Variants in CHLSN observed in about 807,000 individuals in gnomAD.
The protein encoded by CHLSN is protein cholesin.
chr7:995,151 C>T, the CHLSN span, among the ~76,000 whole-genome samples: 1 of 152,250 alleles, frequency 6.6e-6, no homozygotes, highest in African/African-American at 2.4e-5. Flanking sequence ...ACATGTGGCC[C>T]GACGTGGCTG....
the CHLSN span, among the ~76,000 whole-genome samples, chr7:1,033,317 G>A: frequency 6.6e-6 from 1 of 152,160 alleles, no homozygotes. Context: ...CAGCACTTTC[G>A]GAGGCTGAGG....
At chr7:1,092,682 C>T in the CHLSN span, 2 of 1,613,426 alleles carry the variant, frequency 1.2e-6, no homozygotes, top group Non-Finnish European at 1.7e-6. Context: ...CCAACAGCTG[C>T]CTAAACCCCC....
chr7:1,063,627 G>A, the CHLSN span, among the ~76,000 whole-genome samples: 3 of 152,220 alleles, frequency 2.0e-5, no homozygotes, highest in Non-Finnish European at 2.9e-5. Flanking sequence ...AGCCGCGCAC[G>A]CTCACCAAGT....
chr7:1,063,861 C>T, the CHLSN span, among the ~76,000 whole-genome samples: 1 of 152,172 alleles, frequency 6.6e-6, no homozygotes, highest in Admixed American at 6.5e-5. Context: ...TACCCCTGTA[C>T]CTGTGCTGTT....
chr7:1,019,087 C>T, the CHLSN span, among the ~76,000 whole-genome samples: 27 of 151,420 alleles, frequency 1.8e-4, no homozygotes, highest in South Asian at 2.9e-3. Context: ...CCCAGCTACC[C>T]GAGAGGCTGC....
At chr7:987,896 G>A in the CHLSN span, among the ~76,000 whole-genome samples, 1 of 147,484 alleles carries the variant, frequency 6.8e-6, no homozygotes, top group Non-Finnish European at 1.5e-5. Flanking sequence ...GTCCTGAGGG[G>A]TCCCCTCTGT....
the CHLSN span, among the ~76,000 whole-genome samples, chr7:1,027,327 G>T: frequency 2.0e-5 from 3 of 152,244 alleles, no homozygotes; most frequent in Non-Finnish European, 2.9e-5. Context: ...CTGCAGCCGT[G>T]AGGCCCAGCA....
chr7:1,031,360 ACCAGAGACC>A, the CHLSN span, among the ~76,000 whole-genome samples: 5 of 146,944 alleles, frequency 3.4e-5, no homozygotes, highest in African/African-American at 1.3e-4. Flanking sequence ...CTGGGCAGAG[ACCAGAGACC>A]TGCAGGGAGG....
At chr7:1,092,978 G>A in the CHLSN span, 8 of 940,204 alleles carry the variant, frequency 8.5e-6, no homozygotes, top group African/African-American at 3.2e-5. Context: ...CTGGCTCCTC[G>A]GGGCCTCGCG....
chr7:1,040,771 G>A, the CHLSN span, among the ~76,000 whole-genome samples: 9 of 151,696 alleles, frequency 5.9e-5, no homozygotes, highest in African/African-American at 2.2e-4. Flanking sequence ...CTCATTAAGA[G>A]GATGTAAGAG....
chr7:993,446 C>T, the CHLSN span, among the ~76,000 whole-genome samples: 2 of 152,094 alleles, frequency 1.3e-5, no homozygotes, highest in Non-Finnish European at 2.9e-5. Context: ...GAGCGGACAG[C>T]GCCGGCCCGG....
the CHLSN span, among the ~76,000 whole-genome samples, chr7:1,042,362 C>T: frequency 3.9e-5 from 6 of 152,214 alleles, no homozygotes; most frequent in South Asian, 4.1e-4. Context: ...AGGGTGCAAC[C>T]GCGAAGCTGA....
At chr7:1,133,897 C>A in the CHLSN span, among the ~76,000 whole-genome samples, 1 of 152,114 alleles carries the variant, frequency 6.6e-6, no homozygotes, top group African/African-American at 2.4e-5. Context: ...GCCTCGACCA[C>A]CCAGGCTCAA....
the CHLSN span, among the ~76,000 whole-genome samples, chr7:1,008,446 G>T: frequency 1.6e-4 from 25 of 152,180 alleles, no homozygotes; most frequent in African/African-American, 6.0e-4. Flanking sequence ...GAGCTCTTGG[G>T]GTAGCCCTGG....
At chr7:1,065,226 G>A in the CHLSN span, among the ~76,000 whole-genome samples, 52 of 152,288 alleles carry the variant, frequency 3.4e-4, 1 homozygote, top group East Asian at 9.3e-3. Context: ...AGCTGAGGTG[G>A]TGGGAGGAAG....
At chr7:1,037,576 G>A in the CHLSN span, among the ~76,000 whole-genome samples, 2 of 146,654 alleles carry the variant, frequency 1.4e-5, no homozygotes, top group Non-Finnish European at 3.1e-5. Flanking sequence ...GAGTGCAGTG[G>A]CGTGAATCTC....
the CHLSN span, among the ~76,000 whole-genome samples, chr7:1,030,642 A>T: frequency 0.11 from 16,429 of 152,262 alleles, 1,158 homozygotes; most frequent in Middle Eastern, 0.2. Flanking sequence ...TGCTGTCCCC[A>T]GACCCATGAA....
chr7:1,114,559 GC>G, the CHLSN span, among the ~76,000 whole-genome samples: 3 of 152,260 alleles, frequency 2.0e-5, no homozygotes, highest in African/African-American at 7.2e-5. Context: ...GCCGCTCATG[GC>G]CTAACGCTGT....
the CHLSN span, among the ~76,000 whole-genome samples, chr7:1,124,300 G>T: frequency 6.6e-6 from 1 of 151,892 alleles, no homozygotes; most frequent in African/African-American, 2.4e-5. Flanking sequence ...CCAGTGACCA[G>T]CGGCCTGTGT....
Sources: gnomAD v4.1 joint callset for allele counts (sites outside exome capture counted in the v4.1 genomes callset) on GRCh38, gnomAD v4.1.1 for gene constraint, MANE v1.5 for transcripts, NCBI Gene and HGNC (gene_info 2026-07-23, HGNC 2026-07-21) for gene names.